RALYL: variants seen among roughly 807,000 people sequenced by gnomAD.
RALYL encodes the protein RNA-binding Raly-like protein.
In RALYL, 29 loss-of-function variants were observed where a neutral mutation model predicts 35.1. The observed-to-expected ratio is 0.83, with a 90% CI of 0.61 to 1.13. RALYL has a LOEUF of 1.13. RALYL is among the 50% of genes most tolerant of loss of function. The probability of loss-of-function intolerance (pLI) is 0.00; values close to 1 mark genes in which losing one functional copy is unlikely to be tolerated. For missense variants in RALYL, 359 were observed against 360.4 expected, an observed-to-expected ratio of 1.00 and a Z score of 0.03; for synonymous variants, 120 against 127.6, an observed-to-expected ratio of 0.94 and a Z score of 0.40.
chr8:84,501,666 A>G (rs1357478026), intron 1 of RALYL, among the ~76,000 whole-genome samples: 2 of 151,886 alleles, frequency 1.3e-5, no homozygotes, highest in African/African-American at 4.8e-5. Context: ...ACCCATGTCT[A>G]TATTTAAATC....
At chr8:84,287,442 G>A (rs554316521) in intron 1 of RALYL, among the ~76,000 whole-genome samples, 2 of 151,786 alleles carry the variant, frequency 1.3e-5, no homozygotes, top group East Asian at 1.9e-4. Context: ...AAAGAATGAA[G>A]TCATGATCTG....
chr8:84,233,638 G>A (rs1825850960), intron 1 of RALYL, among the ~76,000 whole-genome samples: 1 of 152,136 alleles, frequency 6.6e-6, no homozygotes, highest in Admixed American at 6.6e-5. Flanking sequence ...AGTTTTGGGT[G>A]AACTTTCCTT....
chr8:84,652,709 A>G (rs1472622256), intron 2 of RALYL, among the ~76,000 whole-genome samples: 2 of 152,092 alleles, frequency 1.3e-5, no homozygotes, highest in East Asian at 1.9e-4. Flanking sequence ...AGGTAAGGCT[A>G]TGATTCAATT....
intron 1 of RALYL, among the ~76,000 whole-genome samples, chr8:84,307,783 C>A (rs1405018330): frequency 6.6e-6 from 1 of 152,126 alleles, no homozygotes; most frequent in Non-Finnish European, 1.5e-5. Flanking sequence ...AATTGAGACA[C>A]AGGACTACAT....
intron 2 of RALYL, among the ~76,000 whole-genome samples, chr8:84,728,905 G>A (rs550251218): frequency 1.3e-4 from 20 of 152,220 alleles, no homozygotes; most frequent in African/African-American, 4.3e-4. Flanking sequence ...AAGTCAGGTA[G>A]CGTGATGCCT....
intron 1 of RALYL, among the ~76,000 whole-genome samples, chr8:84,216,092 C>T (rs1173974556): frequency 6.6e-6 from 1 of 152,108 alleles, no homozygotes; most frequent in Non-Finnish European, 1.5e-5. Context: ...TTTCAGTATG[C>T]TGTGACCCAG....
At chr8:84,385,572 C>T (rs897791356) in intron 1 of RALYL, among the ~76,000 whole-genome samples, 5 of 151,822 alleles carry the variant, frequency 3.3e-5, no homozygotes, top group East Asian at 1.9e-4. Context: ...AGCCACATTG[C>T]TGTAGACCAT....
At chr8:84,323,018 T>C (rs1845164977) in intron 1 of RALYL, among the ~76,000 whole-genome samples, 1 of 152,042 alleles carries the variant, frequency 6.6e-6, no homozygotes. Context: ...ATAAAGAAGA[T>C]TGTTAAAATC....
chr8:84,508,055 A>T (rs2057321285), intron 1 of RALYL, among the ~76,000 whole-genome samples: 1 of 152,194 alleles, frequency 6.6e-6, no homozygotes, highest in Non-Finnish European at 1.5e-5. Flanking sequence ...CTATCATTGT[A>T]AAGGGAAATA....
intron 1 of RALYL, among the ~76,000 whole-genome samples, chr8:84,385,635 C>A (rs188543862): frequency 5.9e-5 from 9 of 151,810 alleles, no homozygotes; most frequent in Non-Finnish European, 7.4e-5. Flanking sequence ...CTTCCACATG[C>A]CTTCTCCTCA....
At position 84,621,078 on chromosome 8, in the gene RALYL, C is replaced by G. The variant is rs529821974; in HGVS notation, c.256+91501C>G. Among the ~76,000 whole-genome samples, 6 of 152,324 alleles carry G rather than the reference C, an allele frequency of 3.9e-5. No individual in the cohort carries two copies. In the East Asian group the frequency reaches 5.8e-4, roughly 15 times the overall value. ...GCCCTGCCCCCAGAGGTGGAGCCTA[C>G]AGAGGCAGGCAGGCCTCCTTGAGCT... On this transcript the variant is annotated intron_variant, in intron 2 of 8. Transcript: ENST00000521268.
chr8:84,728,428 T>C (rs1036258745), intron 2 of RALYL, among the ~76,000 whole-genome samples: 2 of 151,492 alleles, frequency 1.3e-5, no homozygotes, highest in African/African-American at 4.8e-5. Flanking sequence ...GTAGGTTGCC[T>C]GTTCACTCTG....
chr8:84,376,828 T>A (rs1458847785), intron 1 of RALYL, among the ~76,000 whole-genome samples: 1 of 151,822 alleles, frequency 6.6e-6, no homozygotes, highest in Non-Finnish European at 1.5e-5. Flanking sequence ...ATTCTGCAGT[T>A]CCACATCATT....
intron 1 of RALYL, among the ~76,000 whole-genome samples, chr8:84,455,240 A>T (rs1476875990): frequency 6.6e-6 from 1 of 151,888 alleles, no homozygotes; most frequent in African/African-American, 2.4e-5. Flanking sequence ...ACCCTTTTTT[A>T]AAAAAATTGA....
intron 4 of RALYL, among the ~76,000 whole-genome samples, chr8:84,845,453 T>C (rs1222058593): frequency 6.6e-6 from 1 of 152,210 alleles, no homozygotes. Flanking sequence ...TTCATATGTT[T>C]GTTGTCAGCT....
chr8:84,211,269 G>A (rs1165863598), intron 1 of RALYL, among the ~76,000 whole-genome samples: 1 of 152,060 alleles, frequency 6.6e-6, no homozygotes, highest in Non-Finnish European at 1.5e-5. Context: ...CAAGATTGCT[G>A]TTACTTAAAG....
intron 1 of RALYL, among the ~76,000 whole-genome samples, chr8:84,438,956 T>TA (rs956669627): frequency 1.3e-5 from 2 of 151,850 alleles, no homozygotes; most frequent in Non-Finnish European, 1.5e-5. Context: ...CTTTTTTTTT[T>TA]ATCAGTACCA....
At chr8:84,765,272 G>A (rs986887898) in intron 2 of RALYL, among the ~76,000 whole-genome samples, 1 of 152,166 alleles carries the variant, frequency 6.6e-6, no homozygotes, top group Non-Finnish European at 1.5e-5. Context: ...GGCATAGAAG[G>A]TGTGACATTC....
chr8:84,208,908 G>A (rs1433174165), intron 1 of RALYL, among the ~76,000 whole-genome samples: 8 of 151,860 alleles, frequency 5.3e-5, no homozygotes, highest in Non-Finnish European at 1.2e-4. Flanking sequence ...TGTCTAGGAA[G>A]CCAGGGTAAA....
Sources: gnomAD v4.1 joint callset for allele counts (sites outside exome capture counted in the v4.1 genomes callset) on GRCh38, gnomAD v4.1.1 for gene constraint, MANE v1.5 for transcripts, NCBI Gene and HGNC (gene_info 2026-07-23, HGNC 2026-07-21) for gene names.